PTPRD: variants seen among roughly 807,000 people sequenced by gnomAD.
PTPRD encodes the protein protein tyrosine phosphatase receptor type D.
In PTPRD, 34 loss-of-function variants were observed where a neutral mutation model predicts 214.5. The observed-to-expected ratio is 0.16, with a 90% CI of 0.12 to 0.21. The LOEUF (loss-of-function observed/expected upper bound fraction) is 0.21, where lower values mean the gene tolerates loss of function less well. PTPRD is among the 10% of genes least tolerant of loss of function. The pLI is 1.00. For synonymous variants in PTPRD, 1,128 were observed against 845.7 expected, an observed-to-expected ratio of 1.33 and a Z score of -5.79; for missense variants, 2,545 against 2,398.7, an observed-to-expected ratio of 1.06 and a Z score of -1.27.
At chr9:9,338,200 T>A (rs1162085876) in intron 9 of PTPRD, among the ~76,000 whole-genome samples, 1 of 152,210 alleles carries the variant, frequency 6.6e-6, no homozygotes, top group Non-Finnish European at 1.5e-5. Flanking sequence ...TGCAAAGAAT[T>A]ATTCTTATGT....
At chr9:9,438,344 G>C (rs924753182) in intron 8 of PTPRD, among the ~76,000 whole-genome samples, 2 of 152,134 alleles carry the variant, frequency 1.3e-5, no homozygotes, top group African/African-American at 4.8e-5. Flanking sequence ...AGGGATAAGG[G>C]ACACAACCAT....
At chr9:10,004,655 G>A (rs538408645) in intron 4 of PTPRD, among the ~76,000 whole-genome samples, 2 of 151,878 alleles carry the variant, frequency 1.3e-5, no homozygotes, top group South Asian at 2.1e-4. Context: ...CACACACACA[G>A]TGTAAACATA....
At chr9:8,672,494 T>C (rs2097306563) in intron 12 of PTPRD, among the ~76,000 whole-genome samples, 1 of 152,174 alleles carries the variant, frequency 6.6e-6, no homozygotes, top group Admixed American at 6.5e-5. Flanking sequence ...GTTACAGATA[T>C]TAATAGTGAC....
chr9:9,809,640 GA>G (rs1372974790), intron 5 of PTPRD, among the ~76,000 whole-genome samples: 18 of 152,204 alleles, frequency 1.2e-4, no homozygotes, highest in African/African-American at 3.9e-4. Context: ...TTGTTCATGA[GA>G]GGGGTAATGG....
chr9:8,505,763 AAATTC>A (rs774022879), intron 22 of PTPRD, among the ~76,000 whole-genome samples: 2 of 152,184 alleles, frequency 1.3e-5, no homozygotes, highest in Non-Finnish European at 2.9e-5. Flanking sequence ...AGAAATAAAG[AAATTC>A]CCTAAATAAG....
chr9:9,310,401 C>T lies in PTPRD; in HGVS notation c.-203+87048G>A, dbSNP rs2135433330. Among the ~76,000 whole-genome samples the T allele has an allele frequency of 1.3e-5, 2 of 152,222 alleles. 1 individual carries two copies. Among genetic ancestry groups the T allele is most frequent in the South Asian group, 4.2e-4 (2 of 4,812 alleles). ...TGTGGCCCTGCTTGGGGTTTCTTCT[C>T]TCTTGCTCCTTACCCATTCTCTCTT... On this transcript the variant is annotated intron_variant, in intron 9 of 45. Coordinates refer to ENST00000381196, the MANE Select transcript of PTPRD (RefSeq NM_002839.4).
rs1480918803 is a variant in PTPRD at position 8,317,171 on chromosome 9, C to G, written c.*703G>C. On this transcript the variant is annotated 3_prime_UTR_variant, in exon 46 of 46. Transcript: ENST00000381196. ...TTTTGCACAAAAATGTGCAAATTTT[C>G]AAATGATTTGATATTTCTACAGCAA... 4.3e-6 allele frequency: 1 copy of G among 231,668 alleles called. No homozygotes were observed. The highest frequency in any genetic ancestry group is 2.2e-5 in the African/African-American group (1 of 45,170). The allele number at this position is 231,668 out of a possible 1,614,324, so 14.4% of individuals were successfully genotyped here. A position where few individuals can be genotyped will look rare whatever the true frequency, so the allele number is the denominator to read the frequency against.
intron 9 of PTPRD, among the ~76,000 whole-genome samples, chr9:9,210,603 A>G (rs1255757509): frequency 6.6e-6 from 1 of 152,054 alleles, no homozygotes; most frequent in Non-Finnish European, 1.5e-5. Flanking sequence ...GCTTGAGAAC[A>G]CTTGCAAATG....
chr9:10,097,337 C>T lies in PTPRD; in HGVS notation c.-544-63547G>A, dbSNP rs1174910423. ...TATAAATTACGTTGGGCAGTATGGC[C>T]ATTTTCACAACATTGATTCTTCCTA... On this transcript the variant is annotated intron_variant, in intron 3 of 45. Transcript: ENST00000381196. Among the ~76,000 whole-genome samples the T allele has an allele frequency of 1.0e-4, 12 of 119,824 alleles. 1 individual carries two copies. Among genetic ancestry groups the T allele is most frequent in the Admixed American group, 1.9e-4 (2 of 10,660 alleles). 78.6% of individuals were successfully genotyped at this position (119,824 alleles called of 152,430 possible).
chr9:9,899,629 A>C (rs2075900299), intron 5 of PTPRD, among the ~76,000 whole-genome samples: 1 of 152,026 alleles, frequency 6.6e-6, no homozygotes, highest in Middle Eastern at 3.2e-3. Flanking sequence ...CTATTATGGA[A>C]AACAGTATGG....
At chr9:9,794,695 C>A (rs368514527) in intron 5 of PTPRD, among the ~76,000 whole-genome samples, 5 of 152,120 alleles carry the variant, frequency 3.3e-5, no homozygotes, top group South Asian at 2.1e-4. Flanking sequence ...ACTATGTTCT[C>A]AATTTTACAG....
chr9:10,218,946 G>A (rs755807773), intron 3 of PTPRD, among the ~76,000 whole-genome samples: 1 of 151,720 alleles, frequency 6.6e-6, no homozygotes, highest in Non-Finnish European at 1.5e-5. Flanking sequence ...ACTATATACA[G>A]AGAGAAAATT....
chr9:9,295,073 C>A (rs1044332416), intron 9 of PTPRD, among the ~76,000 whole-genome samples: 1 of 151,652 alleles, frequency 6.6e-6, no homozygotes, highest in Non-Finnish European at 1.5e-5. Context: ...AAACAGTGTT[C>A]AAACTTTCAA....
chr9:8,491,434 C>A (rs1008384276), intron 27 of PTPRD, among the ~76,000 whole-genome samples: 2 of 152,028 alleles, frequency 1.3e-5, no homozygotes, highest in East Asian at 1.9e-4. Context: ...ATTTAATGGG[C>A]AACAGGGGAG....
intron 5 of PTPRD, among the ~76,000 whole-genome samples, chr9:9,777,477 T>G (rs2154486859): frequency 6.6e-6 from 1 of 152,248 alleles, no homozygotes; most frequent in African/African-American, 2.4e-5. Flanking sequence ...GGTGGATCAC[T>G]TGAGCCCAAG....
chr9:10,323,558 G>A (rs983480102), intron 3 of PTPRD, among the ~76,000 whole-genome samples: 4 of 151,210 alleles, frequency 2.6e-5, no homozygotes, highest in African/African-American at 4.9e-5. Context: ...CTCCTGCCTC[G>A]GCCTCCCAAA....
At chr9:8,346,755 A>T (rs2073938522) in intron 39 of PTPRD, among the ~76,000 whole-genome samples, 1 of 152,160 alleles carries the variant, frequency 6.6e-6, no homozygotes. Context: ...AAGCAGCTGC[A>T]AAGTGCTTCC....
intron 9 of PTPRD, among the ~76,000 whole-genome samples, chr9:9,379,654 C>G (rs76361217): frequency 0.032 from 4,906 of 152,110 alleles, 289 homozygotes; most frequent in African/African-American, 0.11. Flanking sequence ...ATTATATCTT[C>G]CTATCCATGG....
intron 9 of PTPRD, among the ~76,000 whole-genome samples, chr9:9,332,813 T>C (rs1312014244): frequency 2.0e-5 from 3 of 151,962 alleles, no homozygotes; most frequent in African/African-American, 7.2e-5. Context: ...CTGCTGTAAG[T>C]AAAATAAATT....
Sources: gnomAD v4.1 joint callset for allele counts (sites outside exome capture counted in the v4.1 genomes callset) on GRCh38, gnomAD v4.1.1 for gene constraint, MANE v1.5 for transcripts, NCBI Gene and HGNC (gene_info 2026-07-23, HGNC 2026-07-21) for gene names.